The following PRKD3 variants were observed in gnomAD, a reference collection of about 807,000 sequenced individuals.
PRKD3 encodes the protein serine/threonine-protein kinase D3.
In PRKD3, 47 loss-of-function variants were observed where a neutral mutation model predicts 99.2. That is an observed-to-expected ratio of 0.47 (90% CI 0.38 to 0.60). The LOEUF (loss-of-function observed/expected upper bound fraction) is 0.60, where lower values mean the gene tolerates loss of function less well. PRKD3 is among the 20% of genes least tolerant of loss of function. The probability of loss-of-function intolerance (pLI) is 0.00; values close to 1 mark genes in which losing one functional copy is unlikely to be tolerated. For synonymous variants in PRKD3, 392 were observed against 355.4 expected (o/e 1.10, Z -1.16); for missense variants, 1,019 against 1,088.4 (o/e 0.94, Z 0.90).
chr2:37,292,930 G>T, intron 3 of PRKD3: 1 of 450,446 alleles, frequency 2.2e-6, no homozygotes, highest in Non-Finnish European at 3.7e-6. Flanking sequence ...ACAGGTGTGA[G>T]CCACCGTTGC....
intron 12 of PRKD3, 119 bp from the exon 13 acceptor site, chr2:37,269,806 TA>T: frequency 2.7e-6 from 2 of 727,948 alleles, no homozygotes; most frequent in Non-Finnish European, 4.4e-6. Context: ...CTAATTTCCA[TA>T]AAGTGCAAAC....
chr2:37,257,440 C>G (rs1477869280), intron 16 of PRKD3, among the ~76,000 whole-genome samples: 2 of 151,768 alleles, frequency 1.3e-5, no homozygotes, highest in African/African-American at 2.4e-5. Flanking sequence ...CCGAGGCGGG[C>G]GGATCACGAG....
intron 2 of PRKD3, 41 bp downstream of exon 2, chr2:37,316,196 G>C: frequency 6.6e-7 from 1 of 1,525,988 alleles, no homozygotes; most frequent in Non-Finnish European, 9.0e-7. Flanking sequence ...AAAAACATCA[G>C]TAACAATATT....
chr2:37,267,694 A>G, intron 13 of PRKD3, 158 bp from the exon 14 acceptor site: 1 of 594,532 alleles, frequency 1.7e-6, no homozygotes, highest in Non-Finnish European at 2.9e-6. Flanking sequence ...TAATTTAGGA[A>G]AAAATTGTTT....
At position 37,316,795 on chromosome 2, in the gene PRKD3, T is replaced by A; in HGVS notation, c.-271A>T. The A allele has an allele frequency of 7.7e-7, 1 of 1,291,414 alleles. No individual in the cohort carries two copies. The highest frequency in any genetic ancestry group is 1.9e-5 in the South Asian group (1 of 53,210). 80.0% of individuals were successfully genotyped at this position (1,291,414 alleles called of 1,614,324 possible). A position where few individuals can be genotyped will look rare whatever the true frequency, so the allele number is the denominator to read the frequency against. ...CCAGGGATTTGTAAAGGATTTAACA[T>A]CACTGAGCTATCCTCAGCAGGATAG... On this transcript the variant is annotated 5_prime_UTR_variant, in exon 2 of 19. It removes an upstream start codon present in the reference 5' UTR. Transcript: ENST00000234179.
At chr2:37,263,593 C>T (rs531674337) in intron 14 of PRKD3, among the ~76,000 whole-genome samples, 1 of 152,278 alleles carries the variant, frequency 6.6e-6, no homozygotes, top group Admixed American at 6.5e-5. Context: ...TTTCACTCTT[C>T]CACTGTTAAA....
intron 8 of PRKD3, chr2:37,278,611 CT>C (rs1206510995): frequency 6.6e-6 from 1 of 152,136 alleles, no homozygotes. Context: ...TAAATACTTT[CT>C]TTTTTAAACT....
rs1671924171 is a variant in PRKD3 at position 37,322,403 on chromosome 2, T to C, written c.-656+2278A>G. Among the ~76,000 whole-genome samples, 7 of 152,260 alleles carry C rather than the reference T, an allele frequency of 4.6e-5. No homozygotes were observed. The South Asian group carries it at 1.4e-3, about 31-fold the overall frequency. On this transcript the variant is annotated intron_variant, in intron 1 of 18. Transcript: ENST00000234179. The stretch of plus-strand genomic sequence containing the variant: ...TTAGCATTTGCTAAATTGTTTCCTC[T>C]AAAATTCTGCTCATCTGGACCAGTG...
chr2:37,319,968 G>T (rs746493447), intron 1 of PRKD3, among the ~76,000 whole-genome samples: 1 of 152,152 alleles, frequency 6.6e-6, no homozygotes, highest in Non-Finnish European at 1.5e-5. Flanking sequence ...ATTGAGCTAC[G>T]GGGTACAAAC....
At chr2:37,305,303 A>G (rs2124878857) in intron 2 of PRKD3, among the ~76,000 whole-genome samples, 2 of 152,370 alleles carry the variant, frequency 1.3e-5, no homozygotes, top group Middle Eastern at 3.4e-3. Context: ...GTGTCACGTA[A>G]ATCGTCAAAA....
intron 2 of PRKD3, among the ~76,000 whole-genome samples, chr2:37,298,554 C>T (rs761988572): frequency 6.6e-5 from 10 of 151,882 alleles, no homozygotes; most frequent in South Asian, 2.1e-4. Flanking sequence ...CATGAGAATA[C>T]GTTAATATAT....
chr2:37,293,398 T>C, intron 2 of PRKD3, 127 bp from the exon 3 acceptor site: 1 of 915,316 alleles, frequency 1.1e-6, no homozygotes, highest in Non-Finnish European at 1.5e-6. Context: ...ACAATTCTAT[T>C]GATACCTAAA....
rs946663058 is a variant in PRKD3, at chr2:37,324,749, G to A, written c.-724C>T. On this transcript the variant is annotated 5_prime_UTR_variant, in exon 1 of 19. Transcript: ENST00000234179. ...TCTGAGTACCGGACGAGGCGCCAGC[G>A]AGGCTTCACGCGCCTCGCAGGATCC... is the stretch of plus-strand genomic sequence containing the variant. 1 of 151,198 alleles carries A rather than the reference G, an allele frequency of 6.6e-6. No homozygotes were observed. The highest frequency in any genetic ancestry group is 1.5e-5 in the Non-Finnish European group (1 of 67,602). 9.4% of individuals were successfully genotyped at this position (151,198 alleles called of 1,614,324 possible).
chr2:37,315,024 G>T (rs1671598175), intron 2 of PRKD3, among the ~76,000 whole-genome samples: 1 of 152,072 alleles, frequency 6.6e-6, no homozygotes, highest in African/African-American at 2.4e-5. Context: ...TACATCAGAA[G>T]ATAATGAATG....
In PRKD3 at chr2:37,324,238, G is replaced by A. The variant is rs140538150; in HGVS notation, c.-656+443C>T. On this transcript the variant is annotated intron_variant, in intron 1 of 18. Transcript: ENST00000234179. ...ACAACGCAAAGTGAGGAAATGAAAC[G>A]AAAAAGCTGGTCCAAAATTCGGCAC... 3,189 of 985,438 alleles carry A rather than the reference G, an allele frequency of 3.2e-3. 7 individuals carry two copies. Among genetic ancestry groups the A allele is most frequent in the Non-Finnish European group, 3.6e-3 (2,976 of 829,970 alleles). The allele number at this position is 985,438 out of a possible 1,614,324, so 61.0% of individuals were successfully genotyped here.
intron 2 of PRKD3, among the ~76,000 whole-genome samples, chr2:37,314,228 C>G (rs1012327014): frequency 4.6e-5 from 7 of 152,128 alleles, no homozygotes; most frequent in Non-Finnish European, 8.8e-5. Context: ...GTAGAAGACA[C>G]GGGAGAATGG....
At chr2:37,306,852 T>C (rs1035964018) in intron 2 of PRKD3, among the ~76,000 whole-genome samples, 3 of 152,126 alleles carry the variant, frequency 2.0e-5, no homozygotes, top group Admixed American at 6.5e-5. Context: ...AGAAATCCTG[T>C]TTAAGACCTC....
intron 18 of PRKD3, among the ~76,000 whole-genome samples, chr2:37,253,632 T>TA (rs1215808099): frequency 6.6e-6 from 1 of 152,198 alleles, no homozygotes; most frequent in East Asian, 1.9e-4. Flanking sequence ...TAATAATCAC[T>TA]AAAACATTTT....
At chr2:37,274,759 A>C (rs1263389245) in intron 10 of PRKD3, 62 bp from the exon 11 acceptor site, 1 of 1,453,826 alleles carries the variant, frequency 6.9e-7, no homozygotes, top group African/African-American at 1.4e-5. Context: ...TTTTAAATAC[A>C]CTAAAGAACC....
Sources: gnomAD v4.1 joint callset for allele counts (sites outside exome capture counted in the v4.1 genomes callset) on GRCh38, gnomAD v4.1.1 for gene constraint, MANE v1.5 for transcripts, NCBI Gene and HGNC (gene_info 2026-07-23, HGNC 2026-07-21) for gene names.